KIR2DL3: variants seen among roughly 807,000 people sequenced by gnomAD.
The protein encoded by KIR2DL3 is killer cell immunoglobulin-like receptor 2DL3.
A neutral mutation model predicts 33.8 loss-of-function variants in KIR2DL3; 39 were observed. The ratio of observed to expected loss-of-function variants is 1.15; its 90% CI spans 0.89 to 1.51. KIR2DL3 has a LOEUF of 1.51. Among genes scored for constraint, KIR2DL3 ranks in the 40% most tolerant of loss-of-function variants. KIR2DL3 has a pLI of 0.00. For missense variants in KIR2DL3, 462 were observed against 426.2 expected, an observed-to-expected ratio of 1.08 and a Z score of -0.74; for synonymous variants, 174 against 160.2, an observed-to-expected ratio of 1.09 and a Z score of -0.65.
chr19:54,740,644 C>T (rs1298320573), intron 2 of KIR2DL3, among the ~76,000 whole-genome samples: 1 of 151,694 alleles, frequency 6.6e-6, no homozygotes, highest in Non-Finnish European at 1.5e-5. Flanking sequence ...ATCACGCAGG[C>T]CCTGACTGTA....
At chr19:54,748,941 A>G (rs1033389774) in intron 5 of KIR2DL3, among the ~76,000 whole-genome samples, 2 of 151,392 alleles carry the variant, frequency 1.3e-5, no homozygotes, top group Non-Finnish European at 2.9e-5. Context: ...TTCAAAATCA[A>G]TAATAGATAA....
At chr19:54,746,427 T>A (rs1245175433) in intron 4 of KIR2DL3, among the ~76,000 whole-genome samples, 1 of 147,022 alleles carries the variant, frequency 6.8e-6, no homozygotes, top group Non-Finnish European at 1.5e-5. Context: ...TTTGCTTCGA[T>A]TACTTGTGTT....
At chr19:54,751,558 A>T (rs1263435092) in intron 5 of KIR2DL3, 91 bp from the exon 6 acceptor site, 1 of 1,096,860 alleles carries the variant, frequency 9.1e-7, no homozygotes. Flanking sequence ...GGGGTGTTGT[A>T]TGTGGTTACC....
Position 54,744,098 on chromosome 19 carries a change from C to A in KIR2DL3, c.664+10C>A, listed in dbSNP as rs763332945. The A allele has an allele frequency of 6.2e-7, 1 of 1,613,588 alleles. No homozygotes were observed. The highest frequency in any genetic ancestry group is 8.5e-7 in the Non-Finnish European group (1 of 1,179,794). On this transcript the variant is annotated intron_variant, in intron 4 of 7. Transcript: ENST00000342376. ...CTTGTTTCTGTCACAGGTGAGGAAA[C>A]CCCATATCTGTCTCATGTCCTATGA...
chr19:54,742,097 A>T lies in KIR2DL3; in HGVS notation c.188A>T (p.Glu63Val). The T allele has an allele frequency of 6.2e-7, 1 of 1,613,664 alleles. No individual in the cohort carries two copies. Reference sequence around the variant, plus strand: ...TTTCAGCACTTCCTTCTGCACAGAGAAGGGAAGTTTAAGGACACTTTGCAC... The same window carrying T: ...TTTCAGCACTTCCTTCTGCACAGAGTAGGGAAGTTTAAGGACACTTTGCAC... The part of the protein sequence containing the change: ...VRFQHFLLHR[E>V]GKFKDTLHLI... The change falls in exon 3 of 8, where the codon GAA becomes GTA. Residue 63 changes from glutamate (E) to valine (V), a missense_variant. Coordinates refer to ENST00000342376, the MANE Select transcript of KIR2DL3 (RefSeq NM_015868.3).
chr19:54,743,485 A>G (rs1326309029), intron 3 of KIR2DL3, among the ~76,000 whole-genome samples: 7 of 152,262 alleles, frequency 4.6e-5, no homozygotes, highest in Non-Finnish European at 7.3e-5. Context: ...AAAGTTATGA[A>G]CAGGACACAA....
At chr19:54,745,870 T>A (rs1353880662) in intron 4 of KIR2DL3, among the ~76,000 whole-genome samples, 5 of 145,476 alleles carry the variant, frequency 3.4e-5, no homozygotes, top group Non-Finnish European at 7.6e-5. Context: ...TGGAGTGCAG[T>A]GGTGCGATCT....
At position 54,750,601 on chromosome 19, in the gene KIR2DL3, G is replaced by C. The variant is rs868467572; in HGVS notation, c.716-1048G>C. 1.5e-5 allele frequency among the ~76,000 whole-genome samples: 2 copies of C among 137,002 alleles called. 1 individual carries two copies. Among genetic ancestry groups the C allele is most frequent in the African/African-American group, 5.5e-5 (2 of 36,358 alleles). The allele number at this position is 137,002 out of a possible 152,430, so 89.9% of individuals were successfully genotyped here. A position where few individuals can be genotyped will look rare whatever the true frequency, so the allele number is the denominator to read the frequency against. On this transcript the variant is annotated intron_variant, in intron 5 of 7. Coordinates refer to ENST00000342376, the MANE Select transcript of KIR2DL3 (RefSeq NM_015868.3). Reference sequence around the variant, plus strand: ...GTAGAAATCCTAAAGCACATTCGCTGTGTATCAATCCCAGTGCAGTCTTCC... The same window carrying C: ...GTAGAAATCCTAAAGCACATTCGCTCTGTATCAATCCCAGTGCAGTCTTCC...
intron 5 of KIR2DL3, among the ~76,000 whole-genome samples, chr19:54,748,245 C>G (rs1358260112): frequency 1.3e-5 from 2 of 151,902 alleles, no homozygotes; most frequent in Non-Finnish European, 2.9e-5. Flanking sequence ...GCTCTCCCTT[C>G]TTCCTTATCT....
rs1423261336 is a variant in KIR2DL3, at chr19:54,739,873, A to C, written c.70+331A>C. On this transcript the variant is annotated intron_variant, in intron 2 of 7. Coordinates refer to ENST00000342376, the MANE Select transcript of KIR2DL3 (RefSeq NM_015868.3). The stretch of plus-strand genomic sequence containing the variant: ...GCTGCAGTGTGGCTGCTGTCATTCT[A>C]CCAGAAGAGGTGGGAAACCACAGCC... Among the ~76,000 whole-genome samples, 13 of 152,322 alleles carry C rather than the reference A, an allele frequency of 8.5e-5. No individual in the cohort carries two copies. The East Asian group carries it at 2.3e-3, about 27-fold the overall frequency.
intron 3 of KIR2DL3, among the ~76,000 whole-genome samples, chr19:54,743,143 A>C (rs1302510092): frequency 6.6e-6 from 1 of 152,084 alleles, no homozygotes; most frequent in Admixed American, 6.5e-5. Flanking sequence ...AGAGCAAGAC[A>C]GATGATAGAT....
chr19:54,752,541 T>A lies in KIR2DL3; in HGVS notation c.*22T>A, dbSNP rs1226911595. The A allele has an allele frequency of 7.0e-7, 1 of 1,428,276 alleles. No individual in the cohort carries two copies. Among genetic ancestry groups the A allele is most frequent in the Non-Finnish European group, 9.4e-7 (1 of 1,059,938 alleles). 88.5% of individuals were successfully genotyped at this position (1,428,276 alleles called of 1,614,324 possible). A position where few individuals can be genotyped will look rare whatever the true frequency, so the allele number is the denominator to read the frequency against. On this transcript the variant is annotated 3_prime_UTR_variant, in exon 8 of 8. Coordinates refer to ENST00000342376, the MANE Select transcript of KIR2DL3 (RefSeq NM_015868.3). ...CTGATCCAAAGTTGTCTCCTGCCCATGAGCACCACAGTCAGGCCTTGAGGG... is the reference window on the plus strand; with the variant it reads ...CTGATCCAAAGTTGTCTCCTGCCCAAGAGCACCACAGTCAGGCCTTGAGGG...
rs144222236 is a variant in KIR2DL3, at chr19:54,752,527, T to A, written c.*8T>A. The A allele has an allele frequency of 2.1e-3, 3,039 of 1,443,672 alleles. 654 individuals carry two copies. In the African/African-American group the frequency reaches 0.044, roughly 21 times the overall value. 89.4% of individuals were successfully genotyped at this position (1,443,672 alleles called of 1,614,324 possible). A position where few individuals can be genotyped will look rare whatever the true frequency, so the allele number is the denominator to read the frequency against. ...CCAAATGCTGAGCCCTGATCCAAAG[T>A]TGTCTCCTGCCCATGAGCACCACAG... On this transcript the variant is annotated 3_prime_UTR_variant, in exon 8 of 8. Transcript: ENST00000342376.
intron 1 of KIR2DL3, 133 bp downstream of exon 1, chr19:54,738,712 C>G (rs1216000231): frequency 2.7e-6 from 2 of 737,184 alleles, no homozygotes; most frequent in African/African-American, 5.1e-5. Flanking sequence ...AGATCTGGGC[C>G]TGGAGTGGAG....
intron 5 of KIR2DL3, among the ~76,000 whole-genome samples, chr19:54,749,380 T>C (rs2073090718): frequency 7.3e-6 from 1 of 136,596 alleles, no homozygotes; most frequent in East Asian, 2.0e-4. Flanking sequence ...TGGTGAAATG[T>C]GGTGCTGATT....
intron 2 of KIR2DL3, among the ~76,000 whole-genome samples, chr19:54,740,485 G>A (rs1408568902): frequency 4.3e-3 from 658 of 151,606 alleles, no homozygotes; most frequent in African/African-American, 0.015. Flanking sequence ...CAGATGTCGG[G>A]GTTCACACAC....
At chr19:54,738,669 G>A in intron 1 of KIR2DL3, 90 bp downstream of exon 1, 1 of 1,601,746 alleles carries the variant, frequency 6.2e-7, no homozygotes, top group Non-Finnish European at 8.5e-7. Context: ...TGGAGTTATG[G>A]GCCTAGAGAT....
Position 54,752,558 on chromosome 19 carries a change from C to G in KIR2DL3, c.*39C>G. The stretch of plus-strand genomic sequence containing the variant: ...CCTGCCCATGAGCACCACAGTCAGG[C>G]CTTGAGGGGATCTTCTAGGGAGACA... On this transcript the variant is annotated 3_prime_UTR_variant, in exon 8 of 8. Coordinates refer to ENST00000342376, the MANE Select transcript of KIR2DL3 (RefSeq NM_015868.3). The G allele has an allele frequency of 6.8e-7, 1 of 1,461,414 alleles. No homozygotes were observed. The highest frequency in any genetic ancestry group is 9.3e-7 in the Non-Finnish European group (1 of 1,074,390). 90.5% of individuals were successfully genotyped at this position (1,461,414 alleles called of 1,614,324 possible). A position where few individuals can be genotyped will look rare whatever the true frequency, so the allele number is the denominator to read the frequency against.
chr19:54,747,586 G>A (rs2072750035), intron 5 of KIR2DL3, among the ~76,000 whole-genome samples: 1 of 152,100 alleles, frequency 6.6e-6, no homozygotes, highest in South Asian at 2.1e-4. Flanking sequence ...TCATTTTATG[G>A]AGCTGAGACC....
Sources: allele counts gnomAD v4.1 joint callset (sites outside exome capture counted in the v4.1 genomes callset), GRCh38; gene constraint gnomAD v4.1.1; transcripts MANE v1.5; gene names NCBI Gene and HGNC (gene_info 2026-07-23, HGNC 2026-07-21).